Variants in CHRNA7 observed in about 807,000 individuals in gnomAD.
The protein encoded by CHRNA7 is cholinergic receptor nicotinic alpha 7 subunit.
A neutral mutation model predicts 48.0 loss-of-function variants in CHRNA7; 17 were observed. That is an observed-to-expected ratio of 0.35 (90% CI 0.24 to 0.53). The LOEUF (loss-of-function observed/expected upper bound fraction) is 0.53. Ranked by LOEUF, CHRNA7 falls within the 20% of genes least tolerant of loss-of-function variation. The pLI is 0.92. For missense variants in CHRNA7, 155 were observed against 577.7 expected (o/e 0.27, Z 7.50); for synonymous variants, 75 against 242.3 (o/e 0.31, Z 6.41).
chr15:32,158,303 GC>G, intron 6 of CHRNA7, 108 bp from the exon 7 acceptor site: 2 of 432,382 alleles, frequency 4.6e-6, no homozygotes, highest in Non-Finnish European at 6.1e-6. Flanking sequence ...TTTTTTTTTA[GC>G]ACTTTGCAAA....
chr15:32,069,973 C>T (rs1334796259), intron 2 of CHRNA7, among the ~76,000 whole-genome samples: 1 of 152,030 alleles, frequency 6.6e-6, no homozygotes, highest in Middle Eastern at 3.4e-3. Context: ...CTGATTTTCC[C>T]CCCGCCCACT....
At position 32,066,730 on chromosome 15, in the gene CHRNA7, G is replaced by A. The variant is rs80203371; in HGVS notation, c.196-34573G>A. Among the ~76,000 whole-genome samples the A allele has an allele frequency of 5.7e-3, 862 of 152,316 alleles. 9 individuals carry two copies. The highest frequency in any genetic ancestry group is 0.016 in the South Asian group (79 of 4,820). ...GAAAGCCCAGATGTTGAGTTTACTA[G>A]CAAAACACTTTAAACCAGTTATTTT... is the stretch of plus-strand genomic sequence containing the variant. On this transcript the variant is annotated intron_variant, in intron 2 of 9. Coordinates refer to ENST00000306901, the MANE Select transcript of CHRNA7 (RefSeq NM_000746.6).
chr15:32,092,943 T>C (rs975021403), intron 2 of CHRNA7, among the ~76,000 whole-genome samples: 12 of 152,202 alleles, frequency 7.9e-5, no homozygotes, highest in Admixed American at 7.8e-4. Flanking sequence ...AAGCCTGATA[T>C]TGAAATTACA....
Position 32,087,816 on chromosome 15 carries a change from C to A in CHRNA7, c.196-13487C>A, listed in dbSNP as rs1186340752. ...GATACACAGTTCCTTGCAGAATACA[C>A]CCAGTTTCAAAGTTACTTAGACCAG... On this transcript the variant is annotated intron_variant, in intron 2 of 9. Transcript: ENST00000306901. 2.6e-5 allele frequency among the ~76,000 whole-genome samples: 4 copies of A among 152,186 alleles called. No homozygotes were observed. The East Asian group carries it at 7.7e-4, about 29-fold the overall frequency.
In CHRNA7 at chr15:32,130,093, G is replaced by A. The variant is rs1056551489; in HGVS notation, c.350+18194G>A. Reference sequence around the variant, plus strand: ...TTGTGTGGTTTCACTTCTTTTAAATGTATTGAGGTTTTTCTTAGGCTCAGG... The same window carrying A: ...TTGTGTGGTTTCACTTCTTTTAAATATATTGAGGTTTTTCTTAGGCTCAGG... On this transcript the variant is annotated intron_variant, in intron 4 of 9. Transcript: ENST00000306901. Among the ~76,000 whole-genome samples, 3 of 151,998 alleles carry A rather than the reference G, an allele frequency of 2.0e-5. No homozygotes were observed. In the East Asian group the frequency reaches 5.8e-4, roughly 29 times the overall value.
At chr15:32,053,693 A>G (rs919594727) in intron 2 of CHRNA7, among the ~76,000 whole-genome samples, 3 of 152,232 alleles carry the variant, frequency 2.0e-5, no homozygotes. Context: ...GATACCGCAG[A>G]GGCCTTGGAG....
intron 4 of CHRNA7, among the ~76,000 whole-genome samples, chr15:32,119,632 TTA>T (rs2050932242): frequency 6.7e-6 from 1 of 149,412 alleles, no homozygotes; most frequent in Non-Finnish European, 1.5e-5. Context: ...TTTGAACATT[TTA>T]AAAAAAAATA....
chr15:32,152,479 G>A (rs1447852669), intron 4 of CHRNA7, among the ~76,000 whole-genome samples: 1 of 152,182 alleles, frequency 6.6e-6, no homozygotes. Context: ...CAGGGACACA[G>A]GGAGGCACCA....
intron 2 of CHRNA7, among the ~76,000 whole-genome samples, chr15:32,091,853 T>C (rs1365680219): frequency 6.6e-6 from 1 of 152,228 alleles, no homozygotes; most frequent in East Asian, 1.9e-4. Context: ...GAAGGATTTC[T>C]TGTGCTTTCT....
At chr15:32,078,346 T>C (rs2050165069) in intron 2 of CHRNA7, among the ~76,000 whole-genome samples, 1 of 152,188 alleles carries the variant, frequency 6.6e-6, no homozygotes, top group Non-Finnish European at 1.5e-5. Context: ...GTTTTATAGT[T>C]TTGCATTTTA....
intron 4 of CHRNA7, among the ~76,000 whole-genome samples, chr15:32,144,767 A>T (rs1349527611): frequency 1.3e-5 from 2 of 152,204 alleles, no homozygotes; most frequent in African/African-American, 4.8e-5. Flanking sequence ...CAGCTCCATC[A>T]GGTCATTTCA....
chr15:32,106,086 G>C (rs931968185), intron 3 of CHRNA7, among the ~76,000 whole-genome samples: 1 of 152,214 alleles, frequency 6.6e-6, no homozygotes, highest in African/African-American at 2.4e-5. Flanking sequence ...ATTGATTGCT[G>C]TTCTTGTGTT....
intron 4 of CHRNA7, among the ~76,000 whole-genome samples, chr15:32,126,819 C>G (rs1405240327): frequency 6.6e-6 from 1 of 152,118 alleles, no homozygotes; most frequent in Admixed American, 6.5e-5. Context: ...TAATATTCCC[C>G]AGCAGTAACA....
At chr15:32,078,572 C>T (rs777295748) in intron 2 of CHRNA7, among the ~76,000 whole-genome samples, 2 of 151,774 alleles carry the variant, frequency 1.3e-5, no homozygotes, top group East Asian at 3.9e-4. Flanking sequence ...AACACATACA[C>T]CCTCCCAAGA....
intron 2 of CHRNA7, among the ~76,000 whole-genome samples, chr15:32,061,446 ATT>A (rs781311911): frequency 3.3e-5 from 5 of 152,176 alleles, no homozygotes; most frequent in Non-Finnish European, 5.9e-5. Flanking sequence ...TACTTTACTT[ATT>A]TATATGTGGC....
At chr15:32,106,458 T>C (rs1223724064) in intron 3 of CHRNA7, among the ~76,000 whole-genome samples, 1 of 152,240 alleles carries the variant, frequency 6.6e-6, no homozygotes, top group East Asian at 1.9e-4. Context: ...CCCTTGATTT[T>C]GATCATTCAG....
chr15:32,128,794 T>C lies in CHRNA7; in HGVS notation c.350+16895T>C, dbSNP rs1437486982. Among the ~76,000 whole-genome samples, 3 of 151,930 alleles carry C rather than the reference T, an allele frequency of 2.0e-5. No homozygotes were observed. The East Asian group carries it at 5.8e-4, about 29-fold the overall frequency. On this transcript the variant is annotated intron_variant, in intron 4 of 9. Coordinates refer to ENST00000306901, the MANE Select transcript of CHRNA7 (RefSeq NM_000746.6). ...CTGGCTAGGATTTCTAGTATTATGC[T>C]GAATTAGAATGTTAAAAGTGAACAA...
intron 2 of CHRNA7, among the ~76,000 whole-genome samples, chr15:32,044,290 T>TCCTTCCTTCCTTCCTTCC (rs1566798040): frequency 1.3e-5 from 2 of 152,000 alleles, no homozygotes; most frequent in African/African-American, 2.4e-5. Flanking sequence ...CTTCCTTCTT[T>TCCTTCCTTCCTTCCTTCC]TTTTGGGGAT....
chr15:32,126,068 C>G (rs575002089), intron 4 of CHRNA7, among the ~76,000 whole-genome samples: 1 of 152,132 alleles, frequency 6.6e-6, no homozygotes, highest in East Asian at 1.9e-4. Flanking sequence ...TCCCTGATAC[C>G]TAGTTTGTGC....
Sources: allele counts gnomAD v4.1 joint callset (sites outside exome capture counted in the v4.1 genomes callset), GRCh38; gene constraint gnomAD v4.1.1; transcripts MANE v1.5; gene names NCBI Gene and HGNC (gene_info 2026-07-23, HGNC 2026-07-21).